EPS15L1: variants seen among roughly 807,000 people sequenced by gnomAD.
EPS15L1 encodes the protein epidermal growth factor receptor substrate 15-like 1.
EPS15L1 carries 43 observed loss-of-function variants against 117.1 expected under a neutral mutation model. The ratio of observed to expected loss-of-function variants is 0.37; its 90% CI spans 0.29 to 0.47. The LOEUF is 0.47. Among genes scored for constraint, EPS15L1 ranks in the 20% least tolerant of loss-of-function variants. The pLI, the probability that EPS15L1 is intolerant of heterozygous loss-of-function variation, is 0.99. For synonymous variants in EPS15L1, 459 were observed against 470.5 expected, an observed-to-expected ratio of 0.98 and a Z score of 0.32; for missense variants, 981 against 1,164.0, an observed-to-expected ratio of 0.84 and a Z score of 2.29.
rs943566413 is a variant in EPS15L1 at position 16,355,653 on chromosome 19, C to T, written c.*52G>A. The T allele has an allele frequency of 9.2e-6, 14 of 1,519,038 alleles. No homozygotes were observed. Among genetic ancestry groups the T allele is most frequent in the Non-Finnish European group, 1.2e-5 (14 of 1,135,350 alleles). 94.1% of individuals were successfully genotyped at this position (1,519,038 alleles called of 1,614,324 possible). A position where few individuals can be genotyped will look rare whatever the true frequency, so the allele number is the denominator to read the frequency against. ...TGTGTATATATAGACATCTGCACTG[C>T]CCCCTCTCTGGAACCCGCCCGTGCC... is the stretch of plus-strand genomic sequence containing the variant. On this transcript the variant is annotated 3_prime_UTR_variant, in exon 24 of 24. Transcript: ENST00000455140.
At chr19:16,420,107 G>A (rs2092799664) in intron 10 of EPS15L1, among the ~76,000 whole-genome samples, 1 of 152,140 alleles carries the variant, frequency 6.6e-6, no homozygotes, top group African/African-American at 2.4e-5. Flanking sequence ...ATTGGGCCAT[G>A]CCCCGCCCCA....
intron 8 of EPS15L1, among the ~76,000 whole-genome samples, chr19:16,426,416 C>T (rs1377287053): frequency 6.6e-6 from 1 of 152,110 alleles, no homozygotes; most frequent in East Asian, 1.9e-4. Flanking sequence ...GGCAGATCAC[C>T]TGAGGTCAGG....
Position 16,437,011 on chromosome 19 carries a change from G to A in EPS15L1, c.310-12C>T, listed in dbSNP as rs201420017. 1.6e-5 allele frequency: 26 copies of A among 1,613,100 alleles called. No individual in the cohort carries two copies. The highest frequency in any genetic ancestry group is 2.0e-5 in the Non-Finnish European group (23 of 1,179,110). On this transcript the variant is annotated splice_polypyrimidine_tract_variant and intron_variant, in intron 5 of 23. Transcript: ENST00000455140. Reference sequence around the variant, plus strand: ...CTGCTGGTGTCGTGCTGAGAAGAGAGAGAAACATTCCTTTGTGGCTGGCAC... The same window carrying A: ...CTGCTGGTGTCGTGCTGAGAAGAGAAAGAAACATTCCTTTGTGGCTGGCAC...
intron 16 of EPS15L1, among the ~76,000 whole-genome samples, chr19:16,396,952 G>C (rs1469833012): frequency 1.3e-5 from 2 of 152,308 alleles, no homozygotes; most frequent in East Asian, 3.9e-4. Context: ...CTGTGGGTGG[G>C]GGGATGGGGA....
At position 16,355,383 on chromosome 19, in the gene EPS15L1, G is replaced by GTT. The variant is rs2091967559; in HGVS notation, c.*321_*322insAA. ...TGCAGCTATGAGTAGGGAGGAGGCG[G>GTT]GGAAGCCCTGGGTGCTTCCTCTCCT... On this transcript the variant is annotated 3_prime_UTR_variant, in exon 24 of 24. Transcript: ENST00000455140. The GTT allele has an allele frequency of 3.1e-6, 1 of 320,818 alleles. No homozygotes were observed. The allele number at this position is 320,818 out of a possible 1,614,324, so 19.9% of individuals were successfully genotyped here.
chr19:16,407,951 C>T (rs1314808504), intron 13 of EPS15L1, among the ~76,000 whole-genome samples: 2 of 152,130 alleles, frequency 1.3e-5, no homozygotes, highest in South Asian at 4.1e-4. Context: ...TGAACTGAGG[C>T]ATTAAGTCTA....
At chr19:16,425,827 C>A (rs1420861563) in intron 8 of EPS15L1, among the ~76,000 whole-genome samples, 1 of 152,014 alleles carries the variant, frequency 6.6e-6, no homozygotes, top group African/African-American at 2.4e-5. Flanking sequence ...CAAAACAAAA[C>A]AAAAAACAGT....
chr19:16,471,405 GAT>G lies in EPS15L1; in HGVS notation c.33+506_33+507del, dbSNP rs2093345144. Among the ~76,000 whole-genome samples the G allele has an allele frequency of 6.6e-6, 1 of 152,214 alleles. No individual in the cohort carries two copies. Among genetic ancestry groups the G allele is most frequent in the Non-Finnish European group, 1.5e-5 (1 of 68,044 alleles). On this transcript the variant is annotated intron_variant, in intron 1 of 23. Transcript: ENST00000455140. The surrounding 1 kb of genome is among the most constrained non-coding windows in gnomAD (Gnocchi z 4.8). The stretch of plus-strand genomic sequence containing the variant: ...CACAGAGAGGCGCCCGGAGACGTAC[GAT>G]CTGCGCCCGGTGCAGGGGTGGCGGA...
chr19:16,403,718 G>A lies in EPS15L1; in HGVS notation c.1626+15C>T, dbSNP rs769110686. On this transcript the variant is annotated intron_variant, in intron 15 of 23. Coordinates refer to ENST00000455140, the MANE Select transcript of EPS15L1 (RefSeq NM_001258374.3). ...GGTCCCTGGCATGTGGCAGGGACCC[G>A]ACTCCGTGAAGTACCTGGTTGATTT... 10 of 1,609,006 alleles carry A rather than the reference G, an allele frequency of 6.2e-6. No individual in the cohort carries two copies. Among genetic ancestry groups the A allele is most frequent in the African/African-American group, 5.3e-5 (4 of 74,890 alleles).
intron 1 of EPS15L1, among the ~76,000 whole-genome samples, chr19:16,465,005 G>A (rs369471419): frequency 1.3e-5 from 2 of 152,014 alleles, no homozygotes; most frequent in East Asian, 1.9e-4. Flanking sequence ...CATGAACCCA[G>A]GAGGCGGAGC....
chr19:16,425,021 A>G, intron 9 of EPS15L1, 62 bp downstream of exon 9: 1 of 1,377,246 alleles, frequency 7.3e-7, no homozygotes. Flanking sequence ...GCATGTTAAG[A>G]ACTCCCGAGA....
intron 1 of EPS15L1, among the ~76,000 whole-genome samples, chr19:16,460,053 T>G (rs188141366): frequency 1.1e-4 from 16 of 152,268 alleles, no homozygotes; most frequent in Admixed American, 5.9e-4. Context: ...GGCAGGAGGA[T>G]CCCTTAAGGT....
At chr19:16,440,066 C>CA (rs34503524) in intron 4 of EPS15L1, among the ~76,000 whole-genome samples, 848 of 74,672 alleles carry the variant, frequency 0.011, 6 homozygotes, top group African/African-American at 0.024. Context: ...ACTCTGTCTC[C>CA]AAAAAAAAAA....
intron 1 of EPS15L1, among the ~76,000 whole-genome samples, chr19:16,447,611 T>C (rs1161011660): frequency 6.6e-6 from 1 of 151,850 alleles, no homozygotes; most frequent in Non-Finnish European, 1.5e-5. Flanking sequence ...AATACAAAAA[T>C]TAGCCAGGCA....
intron 1 of EPS15L1, among the ~76,000 whole-genome samples, chr19:16,453,489 G>T (rs1215607696): frequency 6.6e-6 from 1 of 152,066 alleles, no homozygotes; most frequent in Admixed American, 6.6e-5. Flanking sequence ...CGAGGTGGGC[G>T]GATCATGAGG....
chr19:16,373,987 A>G (rs2092260461), intron 22 of EPS15L1, among the ~76,000 whole-genome samples: 1 of 152,216 alleles, frequency 6.6e-6, no homozygotes, highest in Non-Finnish European at 1.5e-5. Flanking sequence ...CAAATGAGAA[A>G]TATTTAGGCC....
chr19:16,470,031 C>G (rs1027531419), intron 1 of EPS15L1, among the ~76,000 whole-genome samples: 5 of 152,118 alleles, frequency 3.3e-5, no homozygotes, highest in African/African-American at 1.2e-4. Context: ...ACGAAGAAAA[C>G]CAGGCCACGC....
chr19:16,421,262 C>G, intron 10 of EPS15L1, 57 bp downstream of exon 10: 1 of 1,555,662 alleles, frequency 6.4e-7, no homozygotes, highest in Non-Finnish European at 8.8e-7. Context: ...CCACAGTCTT[C>G]ACCCACAGGC....
Position 16,471,934 on chromosome 19 carries a change from C to A in EPS15L1, c.12G>T (p.Pro4=), listed in dbSNP as rs1163028114. The A allele has an allele frequency of 2.3e-6, 3 of 1,293,130 alleles. No homozygotes were observed. The highest frequency in any genetic ancestry group is 3.1e-5 in the African/African-American group (2 of 64,666). 80.1% of individuals were successfully genotyped at this position (1,293,130 alleles called of 1,614,324 possible). ...GTACCTGCTGGGAGAGGGGGATGAG[C>A]GGCGCCGCCATCTTCCCGCGGACTC... The part of the protein sequence containing the change: MAA[P]LIPLSQQIPT... The change falls in exon 1 of 24, where the codon CCG becomes CCT. Residue 4 remains proline, a synonymous_variant. Transcript: ENST00000455140. This position sits in a 1 kb window ranked among gnomAD's most constrained non-coding sequence, Gnocchi z 4.8.
Sources: allele counts gnomAD v4.1 joint callset (sites outside exome capture counted in the v4.1 genomes callset), GRCh38; gene constraint gnomAD v4.1.1; non-coding constraint Gnocchi (gnomAD v3.1); transcripts MANE v1.5; gene names NCBI Gene and HGNC (gene_info 2026-07-23, HGNC 2026-07-21).